AMPH: variants seen among roughly 807,000 people sequenced by gnomAD.
AMPH encodes the protein amphiphysin (Stiff-Mann syndrome with breast cancer 128kD autoantigen).
Under a neutral mutation model 99.1 loss-of-function variants are expected in AMPH, and 49 were observed. That is an observed-to-expected ratio of 0.49 (90% CI 0.39 to 0.63). AMPH has a LOEUF of 0.63. Among genes scored for constraint, AMPH ranks in the 20% least tolerant of loss-of-function variants. AMPH has a pLI of 0.00. For missense variants in AMPH, 759 were observed against 863.4 expected (o/e 0.88, Z 1.52); for synonymous variants, 314 against 317.3 (o/e 0.99, Z 0.11).
At chr7:38,547,683 G>C (rs189969868) in intron 1 of AMPH, among the ~76,000 whole-genome samples, 474 of 152,300 alleles carry the variant, frequency 3.1e-3, no homozygotes, top group African/African-American at 9.9e-3. Flanking sequence ...CAAGGTGGTT[G>C]GGGCACAGCT....
intron 1 of AMPH, among the ~76,000 whole-genome samples, chr7:38,554,548 T>C (rs1791296200): frequency 6.6e-6 from 1 of 152,188 alleles, no homozygotes; most frequent in African/African-American, 2.4e-5. Context: ...TATAAATACT[T>C]TACTTATAAT....
At chr7:38,463,991 C>G in intron 9 of AMPH, 1 of 1,175,932 alleles carries the variant, frequency 8.5e-7, no homozygotes, top group Non-Finnish European at 1.1e-6. Context: ...AGAACACAGA[C>G]ATGCCACATG....
chr7:38,600,418 A>T (rs1793206286), intron 1 of AMPH, among the ~76,000 whole-genome samples: 1 of 152,218 alleles, frequency 6.6e-6, no homozygotes, highest in Non-Finnish European at 1.5e-5. Flanking sequence ...TTTTAAATAC[A>T]ATGACTTCAG....
intron 1 of AMPH, among the ~76,000 whole-genome samples, chr7:38,586,378 T>C (rs1361146559): frequency 6.6e-6 from 1 of 152,188 alleles, no homozygotes; most frequent in African/African-American, 2.4e-5. Context: ...GTCTCAAATT[T>C]TGTATTTTCT....
chr7:38,579,896 A>T (rs546368374), intron 1 of AMPH, among the ~76,000 whole-genome samples: 1 of 152,290 alleles, frequency 6.6e-6, no homozygotes, highest in East Asian at 1.9e-4. Flanking sequence ...AACACAAAAG[A>T]TCAAGAAAAT....
chr7:38,541,548 T>G (rs532407426), intron 1 of AMPH, among the ~76,000 whole-genome samples: 1 of 152,372 alleles, frequency 6.6e-6, no homozygotes, highest in Admixed American at 6.5e-5. Context: ...CTATGACATC[T>G]ACTTCTTACC....
intron 1 of AMPH, among the ~76,000 whole-genome samples, chr7:38,608,335 G>A (rs1315641488): frequency 2.0e-5 from 3 of 152,172 alleles, no homozygotes; most frequent in African/African-American, 4.8e-5. Flanking sequence ...TGCTCCTGGT[G>A]TCCTCATGGG....
At chr7:38,566,689 A>C (rs997596388) in intron 1 of AMPH, among the ~76,000 whole-genome samples, 3 of 152,174 alleles carry the variant, frequency 2.0e-5, no homozygotes, top group African/African-American at 7.2e-5. Flanking sequence ...AAGAAGTTAA[A>C]CAAATGTACA....
chr7:38,609,543 C>T (rs568370078), intron 1 of AMPH, among the ~76,000 whole-genome samples: 7 of 152,304 alleles, frequency 4.6e-5, no homozygotes, highest in Admixed American at 2.6e-4. Flanking sequence ...TGGGTCCAAA[C>T]AATGGTCCAT....
intron 1 of AMPH, among the ~76,000 whole-genome samples, chr7:38,564,598 T>C (rs371696661): frequency 1.5e-3 from 222 of 152,218 alleles, no homozygotes; most frequent in African/African-American, 5.0e-3. Context: ...CAGGAGACCC[T>C]CAAAGATGCT....
chr7:38,618,283 C>T (rs533465149), intron 1 of AMPH, among the ~76,000 whole-genome samples: 7 of 150,838 alleles, frequency 4.6e-5, no homozygotes, highest in East Asian at 2.0e-4. Flanking sequence ...GAGGCCGAGG[C>T]GGGCAGATCA....
chr7:38,441,741 CAGATATATCAT>C (rs1234460499), intron 11 of AMPH, among the ~76,000 whole-genome samples: 2 of 99,290 alleles, frequency 2.0e-5, no homozygotes, highest in Non-Finnish European at 2.2e-5. Context: ...ATATATATGA[CAGATATATCAT>C]ATATATATCA....
chr7:38,393,326 C>T (rs987169024), intron 18 of AMPH, among the ~76,000 whole-genome samples: 4 of 152,178 alleles, frequency 2.6e-5, no homozygotes, highest in Non-Finnish European at 5.9e-5. Flanking sequence ...ACAATGCATA[C>T]CATTAAGCCC....
chr7:38,428,926 A>C, intron 14 of AMPH: 1 of 1,011,910 alleles, frequency 9.9e-7, no homozygotes, highest in Non-Finnish European at 1.4e-6. Flanking sequence ...TTAATTTTTA[A>C]GGTCTTATGG....
At chr7:38,598,188 C>T (rs542108804) in intron 1 of AMPH, among the ~76,000 whole-genome samples, 1 of 152,298 alleles carries the variant, frequency 6.6e-6, no homozygotes, top group Non-Finnish European at 1.5e-5. Flanking sequence ...GGTCAACTTC[C>T]TTTTAGTGAA....
chr7:38,554,696 C>T (rs945248920), intron 1 of AMPH, among the ~76,000 whole-genome samples: 2 of 152,174 alleles, frequency 1.3e-5, no homozygotes, highest in African/African-American at 4.8e-5. Context: ...AAAATATAAG[C>T]TTGTTTTCAA....
In AMPH at chr7:38,463,086, C is replaced by A. The variant is rs748136267; in HGVS notation, c.777G>T (p.Lys259Asn). ...PSDSGPLRIA[K>N]TPSPPEEPSP... ...AAGGCTCCTCAGGCGGTGATGGTGTCTTTGCAATGCGGAGAGGACCCGAAT... is the reference window on the plus strand; with the variant it reads ...AAGGCTCCTCAGGCGGTGATGGTGTATTTGCAATGCGGAGAGGACCCGAAT... The change falls in exon 10 of 21, where the codon AAG (lysine) becomes AAT (asparagine). Residue 259 changes from lysine (K) to asparagine (N), a missense_variant. Transcript: ENST00000356264. 1 of 1,612,940 alleles carries A rather than the reference C, an allele frequency of 6.2e-7. No individual in the cohort carries two copies. Among genetic ancestry groups the A allele is most frequent in the Non-Finnish European group, 8.5e-7 (1 of 1,179,334 alleles).
At chr7:38,502,915 A>G (rs1789193174) in intron 3 of AMPH, among the ~76,000 whole-genome samples, 1 of 152,200 alleles carries the variant, frequency 6.6e-6, no homozygotes, top group African/African-American at 2.4e-5. Context: ...GTGTTTGGCC[A>G]GTTTTCCCAA....
intron 1 of AMPH, among the ~76,000 whole-genome samples, chr7:38,621,940 G>A (rs1794083287): frequency 6.6e-6 from 1 of 152,172 alleles, no homozygotes; most frequent in Non-Finnish European, 1.5e-5. Flanking sequence ...CAATAAGAAT[G>A]ATGTTTCAGC....
Sources: allele counts gnomAD v4.1 joint callset (sites outside exome capture counted in the v4.1 genomes callset), GRCh38; gene constraint gnomAD v4.1.1; transcripts MANE v1.5; gene names NCBI Gene and HGNC (gene_info 2026-07-23, HGNC 2026-07-21).